Variants in MTHFSD observed in about 807,000 individuals in gnomAD.
MTHFSD encodes methenyltetrahydrofolate synthase domain-containing protein.
MTHFSD carries 37 observed loss-of-function variants against 31.1 expected under a neutral mutation model. The ratio of observed to expected loss-of-function variants is 1.19; its 90% confidence interval spans 0.91 to 1.56. MTHFSD has a LOEUF of 1.56. MTHFSD is among the 40% of genes most tolerant of loss of function. The pLI is 0.00. For synonymous variants in MTHFSD, 221 were observed against 206.9 expected (o/e 1.07, Z -0.59); for missense variants, 664 against 510.1 (o/e 1.30, Z -2.91).
rs1597305743 is a variant in MTHFSD at position 86,532,039 on chromosome 16, GCCA to G, written c.1121_1123del (p.Val374del). On this transcript the variant is annotated inframe_deletion, in exon 8 of 8. Transcript: ENST00000360900. The stretch of plus-strand genomic sequence containing the variant: ...CTTGTCCCTCTGCTGCCTGGCCAGC[GCCA>G]CCCTCAGGGTGTCGGTGCCCAGGCG... 1 of 1,488,556 alleles carries G rather than the reference GCCA, an allele frequency of 6.7e-7. No individual in the cohort carries two copies. 92.2% of individuals were successfully genotyped at this position (1,488,556 alleles called of 1,614,324 possible). A position where few individuals can be genotyped will look rare whatever the true frequency, so the allele number is the denominator to read the frequency against.
Position 86,531,822 on chromosome 16 carries a change from G to C in MTHFSD, c.*189C>G, listed in dbSNP as rs958738553. On this transcript the variant is annotated 3_prime_UTR_variant, in exon 8 of 8. Transcript: ENST00000360900. This position sits in a 1 kb window ranked among gnomAD's most constrained non-coding sequence, Gnocchi z 5.5. ...CGCGCTGTGAGATGAACCGCAGGGC[G>C]GCTTCCCCACTCACAGGAGGGCCTG... is the stretch of plus-strand genomic sequence containing the variant. 1 of 425,006 alleles carries C rather than the reference G, an allele frequency of 2.4e-6. No homozygotes were observed. Among genetic ancestry groups the C allele is most frequent in the Admixed American group, 4.1e-5 (1 of 24,446 alleles). 26.3% of individuals were successfully genotyped at this position (425,006 alleles called of 1,614,324 possible).
rs1248565143 is a variant in MTHFSD, at chr16:86,554,942, C to T, written c.17-191G>A. ...CGTGCACGGCAGGTGTCCCTCCCGC[C>T]TCGTCTTCTCGTTATCTTTATTTTT... On this transcript the variant is annotated intron_variant, in intron 1 of 7. Coordinates refer to ENST00000360900, the MANE Select transcript of MTHFSD (RefSeq NM_001159377.2). 9.8e-6 allele frequency: 12 copies of T among 1,225,658 alleles called. No individual in the cohort carries two copies. The South Asian group carries it at 1.1e-4, about 11-fold the overall frequency. The allele number at this position is 1,225,658 out of a possible 1,614,324, so 75.9% of individuals were successfully genotyped here. A position where few individuals can be genotyped will look rare whatever the true frequency, so the allele number is the denominator to read the frequency against.
intron 7 of MTHFSD, 28 bp from the exon 8 acceptor site, chr16:86,532,509 T>C (rs34602875): frequency 0.045 from 62,907 of 1,385,452 alleles, 1,672 homozygotes; most frequent in African/African-American, 0.09. Context: ...TGCAGCTCTT[T>C]CAGGGACAGA....
chr16:86,542,044 C>G lies in MTHFSD; in HGVS notation c.555+57G>C. 3 of 1,518,266 alleles carry G rather than the reference C, an allele frequency of 2.0e-6. No homozygotes were observed. The highest frequency in any genetic ancestry group is 2.3e-5 in the South Asian group (2 of 87,400). The allele number at this position is 1,518,266 out of a possible 1,614,324, so 94.0% of individuals were successfully genotyped here. ...AGCAGATGAGTCTCCTTCCCCACCC[C>G]CTGCTCCCTCAGAAGAGAATGGCAG... On this transcript the variant is annotated intron_variant, in intron 6 of 7. Transcript: ENST00000360900. This position sits in a 1 kb window ranked among gnomAD's most constrained non-coding sequence, Gnocchi z 4.6.
chr16:86,554,024 G>A (rs536591557), intron 2 of MTHFSD, among the ~76,000 whole-genome samples: 3 of 152,098 alleles, frequency 2.0e-5, no homozygotes, highest in East Asian at 3.9e-4. Flanking sequence ...CGGACCAATC[G>A]GCTCTCTGTA....
chr16:86,536,952 C>T (rs1219620082), intron 7 of MTHFSD, among the ~76,000 whole-genome samples: 1 of 152,238 alleles, frequency 6.6e-6, no homozygotes, highest in Non-Finnish European at 1.5e-5. Flanking sequence ...CTACACACGT[C>T]TGTGCGTGAG....
rs1403144840 is a variant in MTHFSD at position 86,536,918 on chromosome 16, C to T, written c.682-4437G>A. Among the ~76,000 whole-genome samples, 5 of 152,200 alleles carry T rather than the reference C, an allele frequency of 3.3e-5. 1 individual carries two copies. Among genetic ancestry groups the T allele is most frequent in the South Asian group, 4.1e-4 (2 of 4,836 alleles). On this transcript the variant is annotated intron_variant, in intron 7 of 7. Coordinates refer to ENST00000360900, the MANE Select transcript of MTHFSD (RefSeq NM_001159377.2). ...CTCACGCAGACATGCTTGAGCTTTCCGTGTTGGCTGTTCCGGTGTCACCCT... is the reference window on the plus strand; with the variant it reads ...CTCACGCAGACATGCTTGAGCTTTCTGTGTTGGCTGTTCCGGTGTCACCCT...
At chr16:86,544,323 A>C (rs1392342638) in intron 5 of MTHFSD, among the ~76,000 whole-genome samples, 1 of 152,176 alleles carries the variant, frequency 6.6e-6, no homozygotes, top group Non-Finnish European at 1.5e-5. Flanking sequence ...TTTGCAAACT[A>C]TCTGTCTGAC....
chr16:86,535,997 G>A (rs115090286), intron 7 of MTHFSD, among the ~76,000 whole-genome samples: 1,589 of 152,210 alleles, frequency 0.01, 23 homozygotes, highest in African/African-American at 0.036. Context: ...ACTACATGTG[G>A]GCACTCACCA....
chr16:86,537,310 A>T, intron 7 of MTHFSD, among the ~76,000 whole-genome samples: 1 of 152,276 alleles, frequency 6.6e-6, no homozygotes, highest in South Asian at 2.1e-4. Flanking sequence ...CATATCAAGC[A>T]TGTATAATAT....
At chr16:86,547,134 A>G in intron 4 of MTHFSD, 4 of 978,922 alleles carry the variant, frequency 4.1e-6, no homozygotes, top group Non-Finnish European at 4.9e-6. Flanking sequence ...CACATAAGAC[A>G]TGGTCAGTAA....
chr16:86,542,216 A>C lies in MTHFSD; in HGVS notation c.443-3T>G, dbSNP rs1971628836. On this transcript the variant is annotated splice_region_variant and splice_polypyrimidine_tract_variant and intron_variant, in intron 5 of 7. Coordinates refer to ENST00000360900, the MANE Select transcript of MTHFSD (RefSeq NM_001159377.2). The surrounding 1 kb of genome is among the most constrained non-coding windows in gnomAD (Gnocchi z 4.6). ...TTCTCCCTTCCCGATTCTCCAGCCT[A>C]AGAGACAACCGAGAATCAGTATCGC... 2.5e-6 allele frequency: 4 copies of C among 1,611,732 alleles called. No individual in the cohort carries two copies. In the African/African-American group the frequency reaches 5.3e-5, roughly 21 times the overall value.
At chr16:86,555,083 G>C in intron 1 of MTHFSD, 86 bp downstream of exon 1, 1 of 1,509,152 alleles carries the variant, frequency 6.6e-7, no homozygotes, top group African/African-American at 1.4e-5. Flanking sequence ...TCCTCTGCCA[G>C]CCCCGGTGGC....
chr16:86,550,263 GCAC>G, intron 3 of MTHFSD, among the ~76,000 whole-genome samples: 1 of 152,314 alleles, frequency 6.6e-6, no homozygotes, highest in Non-Finnish European at 1.5e-5. Flanking sequence ...GTGTAGTCTT[GCAC>G]CACTACATCC....
At chr16:86,551,288 C>T (rs1039720587) in intron 3 of MTHFSD, among the ~76,000 whole-genome samples, 2 of 152,032 alleles carry the variant, frequency 1.3e-5, no homozygotes, top group African/African-American at 2.4e-5. Flanking sequence ...GAAAAGGGGC[C>T]TGTATGTTTT....
intron 4 of MTHFSD, 77 bp from the exon 5 acceptor site, chr16:86,546,726 T>G: frequency 1.6e-6 from 2 of 1,256,212 alleles, no homozygotes; most frequent in Non-Finnish European, 2.3e-6. Context: ...CAAAGTGCAC[T>G]CAGGGTTTGA....
At position 86,546,573 on chromosome 16, in the gene MTHFSD, G is replaced by A. The variant is rs1308043727; in HGVS notation, c.428C>T (p.Ala143Val). ...LVDLVVVGSV[A>V]VSEKGWRIGK... is the part of the protein sequence containing the mutation. ...GCTAGTCTTACCTTTTTCAGAAACG[G>A]CGACGGATCCCACCACAACTAAATC... Residue 143 changes from alanine to valine, a missense_variant, in exon 5 of 8, where the codon GCC becomes GTC. Transcript: ENST00000360900. 6.8e-6 allele frequency: 11 copies of A among 1,613,908 alleles called. No individual in the cohort carries two copies. The highest frequency in any genetic ancestry group is 8.5e-6 in the Non-Finnish European group (10 of 1,180,006).
chr16:86,534,638 G>A (rs1307906671), intron 7 of MTHFSD, among the ~76,000 whole-genome samples: 1 of 152,120 alleles, frequency 6.6e-6, no homozygotes, highest in Non-Finnish European at 1.5e-5. Context: ...GATTTTGAAG[G>A]ATCTTTTAAA....
chr16:86,541,040 G>C lies in MTHFSD; in HGVS notation c.681+657C>G, dbSNP rs563954881. 7 of 1,210,522 alleles carry C rather than the reference G, an allele frequency of 5.8e-6. No homozygotes were observed. The East Asian group carries it at 2.3e-4, about 40-fold the overall frequency. The allele number at this position is 1,210,522 out of a possible 1,614,324, so 75.0% of individuals were successfully genotyped here. The stretch of plus-strand genomic sequence containing the variant: ...ATTAAAGAATGGGAGACGTGGACAC[G>C]TATGCTTATTTGACCAGTAGTTTTG... On this transcript the variant is annotated intron_variant, in intron 7 of 7. Coordinates refer to ENST00000360900, the MANE Select transcript of MTHFSD (RefSeq NM_001159377.2).
Sources: gnomAD v4.1 joint callset for allele counts (sites outside exome capture counted in the v4.1 genomes callset) on GRCh38, gnomAD v4.1.1 for gene constraint, Gnocchi (gnomAD v3.1) non-coding constraint, MANE v1.5 for transcripts, NCBI Gene and HGNC (gene_info 2026-07-23, HGNC 2026-07-21) for gene names.